MATCAP2: variants seen among roughly 807,000 people sequenced by gnomAD.
MATCAP2 encodes the protein putative tyrosine carboxypeptidase MATCAP2.
At chr7:36,330,925 G>T in the MATCAP2 span, 1 of 984,374 alleles carries the variant, frequency 1.0e-6, no homozygotes, top group Non-Finnish European at 1.6e-6. Context: ...CTAAGCTTGA[G>T]TGAGGGGAAT....
chr7:36,331,924 C>T, the MATCAP2 span, among the ~76,000 whole-genome samples: 61,825 of 151,952 alleles, frequency 0.41, 13,056 homozygotes, highest in African/African-American at 0.49. Flanking sequence ...TAATCAGAGA[C>T]GCACATTGAA....
At chr7:36,346,059 TA>T in the MATCAP2 span, among the ~76,000 whole-genome samples, 10 of 152,084 alleles carry the variant, frequency 6.6e-5, no homozygotes, top group African/African-American at 2.4e-4. Flanking sequence ...TGGCCATTAT[TA>T]ACCATCAGGG....
At chr7:36,371,753 G>GT in the MATCAP2 span, among the ~76,000 whole-genome samples, 5 of 151,494 alleles carry the variant, frequency 3.3e-5, no homozygotes, top group Non-Finnish European at 7.4e-5. Context: ...TTTCACTTTG[G>GT]TTTTTTTTGT....
chr7:36,324,478 T>C, the MATCAP2 span: 1 of 152,162 alleles, frequency 6.6e-6, no homozygotes, highest in African/African-American at 2.4e-5. Context: ...ATTCTAATCA[T>C]CAATAGCCTA....
chr7:36,386,439 A>ATG, the MATCAP2 span, among the ~76,000 whole-genome samples: 4 of 124,292 alleles, frequency 3.2e-5, no homozygotes, highest in East Asian at 2.5e-4. Flanking sequence ...GTGTATGTGT[A>ATG]TGTGTGTATG....
chr7:36,379,841 C>CAGAGAGAGAGAGAGAGAG, the MATCAP2 span, among the ~76,000 whole-genome samples: 48 of 127,564 alleles, frequency 3.8e-4, no homozygotes, highest in Admixed American at 3.0e-3. Flanking sequence ...CACACACACA[C>CAGAGAGAGAGAGAGAGAG]ACACACAGAG....
At chr7:36,386,901 A>G in the MATCAP2 span, among the ~76,000 whole-genome samples, 52 of 152,260 alleles carry the variant, frequency 3.4e-4, no homozygotes, top group African/African-American at 1.1e-3. Context: ...TAATATTCCT[A>G]GGTATATTGC....
the MATCAP2 span, among the ~76,000 whole-genome samples, chr7:36,349,523 C>T: frequency 6.6e-6 from 1 of 152,270 alleles, no homozygotes; most frequent in South Asian, 2.1e-4. Context: ...CCCTCCTTGC[C>T]TCCACACACC....
chr7:36,347,256 A>C, the MATCAP2 span, among the ~76,000 whole-genome samples: 2 of 152,182 alleles, frequency 1.3e-5, no homozygotes, highest in African/African-American at 4.8e-5. Context: ...TTAGATAATA[A>C]AGTTTCTGAA....
chr7:36,363,383 T>C, the MATCAP2 span, among the ~76,000 whole-genome samples: 1 of 152,226 alleles, frequency 6.6e-6, no homozygotes. Flanking sequence ...TCTTATATGG[T>C]TTCTCACAGC....
the MATCAP2 span, among the ~76,000 whole-genome samples, chr7:36,345,229 C>G: frequency 6.6e-6 from 1 of 152,120 alleles, no homozygotes; most frequent in Non-Finnish European, 1.5e-5. Flanking sequence ...AACAAAAAAA[C>G]CCATATTTTT....
the MATCAP2 span, among the ~76,000 whole-genome samples, chr7:36,362,053 G>A: frequency 4.1e-4 from 63 of 152,248 alleles, no homozygotes; most frequent in African/African-American, 1.4e-3. Flanking sequence ...GGAAATGTTC[G>A]CTATCTGTTC....
At chr7:36,330,239 C>T in the MATCAP2 span, among the ~76,000 whole-genome samples, 52 of 151,890 alleles carry the variant, frequency 3.4e-4, no homozygotes, top group Admixed American at 3.4e-3. Flanking sequence ...TGTGTGCCAC[C>T]ATGCCCGGCT....
chr7:36,351,726 T>A, the MATCAP2 span, among the ~76,000 whole-genome samples: 2 of 152,020 alleles, frequency 1.3e-5, no homozygotes, highest in African/African-American at 4.8e-5. Context: ...GCAGGTGGAC[T>A]GCATGAGCTC....
chr7:36,330,364 G>T, the MATCAP2 span, among the ~76,000 whole-genome samples: 1 of 152,142 alleles, frequency 6.6e-6, no homozygotes, highest in Non-Finnish European at 1.5e-5. Flanking sequence ...CTCCCAAAGT[G>T]TTGGGTTTGC....
chr7:36,389,185 C>T, the MATCAP2 span, among the ~76,000 whole-genome samples: 1 of 152,068 alleles, frequency 6.6e-6, no homozygotes, highest in Non-Finnish European at 1.5e-5. Flanking sequence ...CTCAGCCTCC[C>T]GAGTAGCTGG....
the MATCAP2 span, among the ~76,000 whole-genome samples, chr7:36,365,571 G>A: frequency 2.6e-5 from 4 of 152,120 alleles, no homozygotes; most frequent in African/African-American, 9.7e-5. Context: ...GTGGTAGCAT[G>A]CGTCTGTAAT....
chr7:36,353,114 G>C, the MATCAP2 span, among the ~76,000 whole-genome samples: 1 of 152,038 alleles, frequency 6.6e-6, no homozygotes, highest in African/African-American at 2.4e-5. Flanking sequence ...TATCCAAAAA[G>C]TTTTAAAAAA....
chr7:36,388,953 C>G, the MATCAP2 span, among the ~76,000 whole-genome samples: 1 of 152,228 alleles, frequency 6.6e-6, no homozygotes, highest in Non-Finnish European at 1.5e-5. Flanking sequence ...CGGGGACCCA[C>G]CGGAACTGGC....
Sources: gnomAD v4.1 joint callset for allele counts (sites outside exome capture counted in the v4.1 genomes callset) on GRCh38, gnomAD v4.1.1 for gene constraint, MANE v1.5 for transcripts, NCBI Gene and HGNC (gene_info 2026-07-23, HGNC 2026-07-21) for gene names.